ADCY2: variants seen among roughly 807,000 people sequenced by gnomAD.
The protein encoded by ADCY2 is adenylate cyclase 2.
A neutral mutation model predicts 125.2 loss-of-function variants in ADCY2; 31 were observed. That is an observed-to-expected ratio of 0.25 (90% CI 0.19 to 0.33). ADCY2 has a LOEUF of 0.33. ADCY2 is among the 10% of genes least tolerant of loss of function. The probability of loss-of-function intolerance (pLI) is 1.00; values close to 1 mark genes in which losing one functional copy is unlikely to be tolerated. For synonymous variants in ADCY2, 512 were observed against 548.4 expected, an observed-to-expected ratio of 0.93 and a Z score of 0.93; for missense variants, 904 against 1,418.2, an observed-to-expected ratio of 0.64 and a Z score of 5.82.
At chr5:7,722,492 TG>T (rs1320428706) in intron 12 of ADCY2, among the ~76,000 whole-genome samples, 4 of 152,200 alleles carry the variant, frequency 2.6e-5, no homozygotes, top group African/African-American at 9.6e-5. Context: ...GGTTAAAATT[TG>T]TCTTAAGTTG....
chr5:7,792,258 G>A (rs565429280), intron 20 of ADCY2, among the ~76,000 whole-genome samples: 1 of 151,260 alleles, frequency 6.6e-6, no homozygotes, highest in Admixed American at 6.6e-5. Context: ...AGCTGGGCAT[G>A]GTGGCGGGTG....
chr5:7,523,549 A>T (rs1158704716), intron 3 of ADCY2, among the ~76,000 whole-genome samples: 3 of 152,212 alleles, frequency 2.0e-5, no homozygotes, highest in Non-Finnish European at 4.4e-5. Context: ...ATTTCACAGT[A>T]ATTCCAAGAG....
intron 15 of ADCY2, among the ~76,000 whole-genome samples, chr5:7,753,064 T>A (rs9764683): frequency 0.24 from 36,578 of 151,732 alleles, 7,559 homozygotes; most frequent in African/African-American, 0.57. Context: ...ACACCCAGCT[T>A]ATTTTTGTCT....
chr5:7,532,528 A>T (rs940393467), intron 3 of ADCY2, among the ~76,000 whole-genome samples: 1 of 152,212 alleles, frequency 6.6e-6, no homozygotes, highest in African/African-American at 2.4e-5. Flanking sequence ...ACATTTGTCT[A>T]ATTTTTTATT....
chr5:7,599,889 G>T lies in ADCY2; in HGVS notation c.571-26278G>T, dbSNP rs1737144750. Among the ~76,000 whole-genome samples the T allele has an allele frequency of 3.3e-5, 5 of 152,286 alleles. No individual in the cohort carries two copies. The South Asian group carries it at 8.3e-4, about 25-fold the overall frequency. ...TATAAAGGCTTAAAAATGCTCCTGGGATTTGGCAATTGGAAAGGTTGTCAT... is the reference window on the plus strand; with the variant it reads ...TATAAAGGCTTAAAAATGCTCCTGGTATTTGGCAATTGGAAAGGTTGTCAT... On this transcript the variant is annotated intron_variant, in intron 3 of 24. Coordinates refer to ENST00000338316, the MANE Select transcript of ADCY2 (RefSeq NM_020546.3).
chr5:7,430,639 T>C (rs1355504353), intron 2 of ADCY2, among the ~76,000 whole-genome samples: 1 of 150,494 alleles, frequency 6.6e-6, no homozygotes, highest in Admixed American at 6.6e-5. Flanking sequence ...TGGTTTAATA[T>C]TTTAAAATCA....
In ADCY2 at chr5:7,802,264, C is replaced by T. The variant is rs1358146800; in HGVS notation, c.2675C>T (p.Ser892Phe). 6.2e-7 allele frequency: 1 copy of T among 1,614,120 alleles called. No homozygotes were observed. The change falls in exon 21 of 25, where the codon TCC becomes TTC. Residue 892 changes from serine to phenylalanine, a missense_variant. Ser to Phe is a radical substitution (Grantham distance 155). This residue lies in a region of ADCY2 where 181 missense variants were observed against 381.6 expected (regional missense o/e 0.47). Transcript: ENST00000338316. This position sits in a 1 kb window ranked among gnomAD's most constrained non-coding sequence, Gnocchi z 4.6. ...SYDCVCVMFA[S>F]IPDFKEFYTE... ...GACTGCGTCTGCGTCATGTTTGCCT[C>T]CATTCCGGATTTCAAAGAATTTTAT... is the stretch of plus-strand genomic sequence containing the variant.
chr5:7,583,159 A>C (rs1736491452), intron 3 of ADCY2, among the ~76,000 whole-genome samples: 6 of 152,056 alleles, frequency 3.9e-5, no homozygotes, highest in Admixed American at 3.9e-4. Flanking sequence ...AGATCTCTAC[A>C]TTTAAAATTA....
chr5:7,546,147 A>C (rs1735140601), intron 3 of ADCY2, among the ~76,000 whole-genome samples: 1 of 152,148 alleles, frequency 6.6e-6, no homozygotes, highest in Admixed American at 6.5e-5. Flanking sequence ...TACCCTAATA[A>C]GGTTATGTTT....
chr5:7,762,315 T>A (rs1743248939), intron 16 of ADCY2, among the ~76,000 whole-genome samples: 1 of 152,260 alleles, frequency 6.6e-6, no homozygotes, highest in Non-Finnish European at 1.5e-5. Context: ...TAGAGCCTTG[T>A]TTATAATGTC....
chr5:7,762,670 C>T (rs1281977061), intron 16 of ADCY2, among the ~76,000 whole-genome samples: 1 of 152,176 alleles, frequency 6.6e-6, no homozygotes, highest in Non-Finnish European at 1.5e-5. Context: ...CTTTAACCTG[C>T]CCATCCTGGA....
At chr5:7,421,972 G>A (rs1258427901) in intron 2 of ADCY2, among the ~76,000 whole-genome samples, 1 of 152,176 alleles carries the variant, frequency 6.6e-6, no homozygotes, top group Non-Finnish European at 1.5e-5. Context: ...ACATTGCTGT[G>A]TAAATAAACA....
intron 11 of ADCY2, among the ~76,000 whole-genome samples, chr5:7,713,628 A>T (rs2126368910): frequency 6.6e-6 from 1 of 152,314 alleles, no homozygotes; most frequent in Non-Finnish European, 1.5e-5. Flanking sequence ...AAAGTTTCCC[A>T]CAAATGTCTC....
At chr5:7,574,673 C>T (rs1420818167) in intron 3 of ADCY2, among the ~76,000 whole-genome samples, 1 of 152,186 alleles carries the variant, frequency 6.6e-6, no homozygotes, top group Non-Finnish European at 1.5e-5. Flanking sequence ...TCATATACTA[C>T]CCCTGACCTT....
At chr5:7,647,334 G>C (rs1045640944) in intron 4 of ADCY2, among the ~76,000 whole-genome samples, 2 of 152,150 alleles carry the variant, frequency 1.3e-5, no homozygotes, top group Non-Finnish European at 2.9e-5. Flanking sequence ...GTAGGCATGA[G>C]AGTCACAGAG....
chr5:7,400,985 A>C (rs1739242639), intron 1 of ADCY2, among the ~76,000 whole-genome samples: 1 of 152,198 alleles, frequency 6.6e-6, no homozygotes, highest in African/African-American at 2.4e-5. Flanking sequence ...TCCCATTTTG[A>C]AAGGACAGTG....
intron 3 of ADCY2, among the ~76,000 whole-genome samples, chr5:7,526,149 G>A (rs13159560): frequency 0.12 from 17,637 of 152,230 alleles, 1,177 homozygotes; most frequent in East Asian, 0.27. Context: ...GTCCTCCTGC[G>A]GTTGGCTTTC....
intron 2 of ADCY2, among the ~76,000 whole-genome samples, chr5:7,416,668 A>G (rs367651206): frequency 6.6e-6 from 1 of 152,340 alleles, no homozygotes; most frequent in East Asian, 1.9e-4. Context: ...TATAAAAACA[A>G]TAGTATTCTT....
chr5:7,632,439 A>G (rs1738347027), intron 4 of ADCY2, among the ~76,000 whole-genome samples: 1 of 152,074 alleles, frequency 6.6e-6, no homozygotes. Context: ...TCTGTAAATG[A>G]TTAGTATATA....
Sources: allele counts gnomAD v4.1 joint callset (sites outside exome capture counted in the v4.1 genomes callset), GRCh38; gene constraint gnomAD v4.1.1; regional missense constraint gnomAD v4.1.1; non-coding constraint Gnocchi (gnomAD v3.1); transcripts MANE v1.5; gene names NCBI Gene and HGNC (gene_info 2026-07-23, HGNC 2026-07-21).